JMJD1C: variants seen among roughly 807,000 people sequenced by gnomAD.
JMJD1C encodes jumonji domain containing 1C, also known as jumonji domain-containing protein 1C.
JMJD1C carries 31 observed loss-of-function variants against 245.3 expected under a neutral mutation model. The ratio of observed to expected loss-of-function variants is 0.13; its 90% CI spans 0.09 to 0.17. JMJD1C has a LOEUF of 0.17. JMJD1C is among the 10% of genes least tolerant of loss of function. The probability of loss-of-function intolerance (pLI) is 1.00; values close to 1 mark genes in which losing one functional copy is unlikely to be tolerated. For missense variants in JMJD1C, 2,691 were observed against 3,000.2 expected (o/e 0.90, Z 2.41); for synonymous variants, 1,057 against 1,017.4 (o/e 1.04, Z -0.74).
chr10:63,225,193 A>G (rs1013307917), intron 3 of JMJD1C, among the ~76,000 whole-genome samples: 1 of 152,202 alleles, frequency 6.6e-6, no homozygotes, highest in Admixed American at 6.5e-5. Flanking sequence ...TTCAAAAACA[A>G]GTCACCTAAG....
intron 19 of JMJD1C, 142 bp downstream of exon 19, chr10:63,186,073 T>G: frequency 1.5e-6 from 1 of 670,582 alleles, no homozygotes. Flanking sequence ...GGACCCAGTA[T>G]TTTGTTTCCA....
intron 1 of JMJD1C, among the ~76,000 whole-genome samples, chr10:63,474,322 G>A (rs886112680): frequency 6.6e-6 from 1 of 152,236 alleles, no homozygotes; most frequent in Non-Finnish European, 1.5e-5. Flanking sequence ...ATGAGTGGGA[G>A]TGTAAGAGTG....
At chr10:63,341,438 CTGT>C (rs1233516505) in intron 2 of JMJD1C, among the ~76,000 whole-genome samples, 172 of 152,312 alleles carry the variant, frequency 1.1e-3, no homozygotes, top group African/African-American at 3.9e-3. Flanking sequence ...GACAGAATAA[CTGT>C]GTTGGGATAC....
intron 2 of JMJD1C, among the ~76,000 whole-genome samples, chr10:63,339,702 G>C (rs527625802): frequency 6.6e-6 from 1 of 152,282 alleles, no homozygotes; most frequent in East Asian, 1.9e-4. Flanking sequence ...AAGGCAGGTG[G>C]ATCACTTGAG....
At chr10:63,436,792 G>A (rs1951080665) in intron 1 of JMJD1C, among the ~76,000 whole-genome samples, 2 of 152,134 alleles carry the variant, frequency 1.3e-5, no homozygotes, top group East Asian at 3.9e-4. Context: ...ATAAACCTAT[G>A]GATTATCCTT....
At chr10:63,336,061 C>T (rs998935652) in intron 2 of JMJD1C, among the ~76,000 whole-genome samples, 21 of 151,888 alleles carry the variant, frequency 1.4e-4, no homozygotes, top group Admixed American at 2.0e-4. Flanking sequence ...GCGGAGGCTG[C>T]GGTGAGCGGA....
At chr10:63,341,823 C>A (rs559554884) in intron 2 of JMJD1C, among the ~76,000 whole-genome samples, 1 of 152,136 alleles carries the variant, frequency 6.6e-6, no homozygotes, top group Admixed American at 6.5e-5. Context: ...CGTTCTTGAA[C>A]GACATGCTAA....
At chr10:63,239,876 A>C (rs1365671287) in intron 3 of JMJD1C, among the ~76,000 whole-genome samples, 1 of 152,252 alleles carries the variant, frequency 6.6e-6, no homozygotes, top group African/African-American at 2.4e-5. Flanking sequence ...AGACAGCAGA[A>C]GACATGGGTT....
rs1031508014 is a variant in JMJD1C at position 63,305,633 on chromosome 10, T to C, written c.334-40869A>G. ...GGGCAAGCACCACCATGCTGGCGTG[T>C]GTGTGTGTGTGTGTGTGTGTGTGTG... On this transcript the variant is annotated intron_variant, in intron 2 of 25. Transcript: ENST00000399262. 7.9e-4 allele frequency among the ~76,000 whole-genome samples: 49 copies of C among 62,002 alleles called. 1 individual carries two copies. The Middle Eastern group carries it at 0.036, about 45-fold the overall frequency. 40.7% of individuals were successfully genotyped at this position (62,002 alleles called of 152,430 possible).
intron 1 of JMJD1C, among the ~76,000 whole-genome samples, chr10:63,498,703 AT>A (rs144095414): frequency 9.2e-4 from 136 of 148,438 alleles, no homozygotes; most frequent in African/African-American, 3.0e-3. Flanking sequence ...TAGGACTCCT[AT>A]TTTTTTTTTA....
chr10:63,193,505 TACC>T, intron 14 of JMJD1C, 33 bp from the exon 15 acceptor site: 1 of 1,507,444 alleles, frequency 6.6e-7, no homozygotes, highest in Non-Finnish European at 9.0e-7. Flanking sequence ...ATAAAAAGAT[TACC>T]ACTAGTTGTT....
chr10:63,461,504 T>C (rs1046410429), intron 1 of JMJD1C, among the ~76,000 whole-genome samples: 1 of 152,132 alleles, frequency 6.6e-6, no homozygotes, highest in Non-Finnish European at 1.5e-5. Flanking sequence ...GGGGTTTTAT[T>C]TATATGCGAA....
chr10:63,217,602 C>G (rs2133252548), intron 4 of JMJD1C: 2 of 222,510 alleles, frequency 9.0e-6, no homozygotes, highest in East Asian at 2.0e-4. Context: ...AATAAGAGAA[C>G]AGTTCAAAAT....
intron 1 of JMJD1C, chr10:63,427,523 A>C: frequency 7.4e-7 from 1 of 1,356,770 alleles, no homozygotes; most frequent in Non-Finnish European, 1.0e-6. Flanking sequence ...AATGTTCTTC[A>C]TTCAGTGTAC....
In JMJD1C at chr10:63,224,860, G is replaced by A. The variant is rs538345399; in HGVS notation, c.448-4877C>T. Among the ~76,000 whole-genome samples, 396 of 152,028 alleles carry A rather than the reference G, an allele frequency of 2.6e-3. 1 individual carries two copies. The highest frequency in any genetic ancestry group is 3.9e-3 in the Non-Finnish European group (265 of 67,974). On this transcript the variant is annotated intron_variant, in intron 3 of 25. Coordinates refer to ENST00000399262, the MANE Select transcript of JMJD1C (RefSeq NM_032776.3). ...GGGTGGATCACGAGGTCAGGAGTTC[G>A]AGACCATCCTGGCCAACATGGTGAA...
intron 10 of JMJD1C, among the ~76,000 whole-genome samples, chr10:63,201,026 A>G (rs998017836): frequency 2.6e-5 from 4 of 152,226 alleles, no homozygotes; most frequent in Non-Finnish European, 5.9e-5. Context: ...CTGAAAATAC[A>G]GTCCTTCTAT....
chr10:63,493,718 G>A (rs1954256633), intron 1 of JMJD1C, among the ~76,000 whole-genome samples: 1 of 152,120 alleles, frequency 6.6e-6, no homozygotes, highest in Non-Finnish European at 1.5e-5. Context: ...AAGCATAAAT[G>A]TTCTCTTTTT....
intron 1 of JMJD1C, 46 bp downstream of exon 1, chr10:63,465,449 C>G: frequency 6.6e-7 from 1 of 1,525,240 alleles, no homozygotes; most frequent in African/African-American, 1.4e-5. Context: ...CTGCGAGAGC[C>G]GGGTGCGGGC....
chr10:63,308,734 C>A (rs1589440029), intron 2 of JMJD1C, among the ~76,000 whole-genome samples: 3 of 84,016 alleles, frequency 3.6e-5, no homozygotes, highest in African/African-American at 9.2e-5. Context: ...ATTGAAATGA[C>A]AACATCCATT....
Sources: allele counts gnomAD v4.1 joint callset (sites outside exome capture counted in the v4.1 genomes callset), GRCh38; gene constraint gnomAD v4.1.1; transcripts MANE v1.5; gene names NCBI Gene and HGNC (gene_info 2026-07-23, HGNC 2026-07-21).